The following LAMA2 variants were observed in gnomAD, a reference collection of about 807,000 sequenced individuals.
LAMA2 encodes laminin subunit alpha-2.
In LAMA2, 269 loss-of-function variants were observed where a neutral mutation model predicts 364.8. The ratio of observed to expected loss-of-function variants is 0.74; its 90% CI spans 0.67 to 0.82. The LOEUF is 0.82. Among genes scored for constraint, LAMA2 ranks in the 40% least tolerant of loss-of-function variants. LAMA2 has a pLI of 0.00. For missense variants in LAMA2, 3,807 were observed against 3,873.2 expected, an observed-to-expected ratio of 0.98 and a Z score of 0.45; for synonymous variants, 1,379 against 1,370.6, an observed-to-expected ratio of 1.01 and a Z score of -0.14.
At chr6:128,925,188 C>T (rs1779008053) in intron 1 of LAMA2, among the ~76,000 whole-genome samples, 1 of 152,108 alleles carries the variant, frequency 6.6e-6, no homozygotes, top group South Asian at 2.1e-4. Context: ...TAATTAAAAG[C>T]AGGGTCCTGA....
chr6:129,380,380 T>G (rs1404939105), intron 34 of LAMA2, among the ~76,000 whole-genome samples: 1 of 152,150 alleles, frequency 6.6e-6, no homozygotes, highest in Non-Finnish European at 1.5e-5. Flanking sequence ...GAATATTTAC[T>G]ATAAGTTAGG....
intron 27 of LAMA2, among the ~76,000 whole-genome samples, chr6:129,317,532 A>G (rs1429725923): frequency 6.6e-6 from 1 of 152,126 alleles, no homozygotes; most frequent in Non-Finnish European, 1.5e-5. Flanking sequence ...TCACTTTTAT[A>G]TATGTATTCC....
chr6:129,123,305 C>CAG (rs1562257433), intron 4 of LAMA2, among the ~76,000 whole-genome samples: 7 of 97,036 alleles, frequency 7.2e-5, no homozygotes, highest in African/African-American at 6.9e-5. Context: ...GACTCTGTCT[C>CAG]AAAAAAAAAA....
chr6:129,115,005 A>T (rs1776385602), intron 4 of LAMA2, among the ~76,000 whole-genome samples: 1 of 152,098 alleles, frequency 6.6e-6, no homozygotes, highest in Admixed American at 6.6e-5. Flanking sequence ...CTAGATTTAA[A>T]TTTTAAAATC....
At chr6:129,430,588 G>A (rs1475586405) in intron 41 of LAMA2, among the ~76,000 whole-genome samples, 1 of 152,204 alleles carries the variant, frequency 6.6e-6, no homozygotes, top group African/African-American at 2.4e-5. Flanking sequence ...TGGATATGAG[G>A]CTTGGTACAA....
intron 1 of LAMA2, among the ~76,000 whole-genome samples, chr6:128,913,987 A>C (rs940390861): frequency 1.3e-5 from 2 of 152,192 alleles, no homozygotes; most frequent in Non-Finnish European, 2.9e-5. Context: ...GGCAAAAATT[A>C]GAAAAATAAA....
At chr6:128,920,336 T>G (rs565163445) in intron 1 of LAMA2, among the ~76,000 whole-genome samples, 1 of 152,156 alleles carries the variant, frequency 6.6e-6, no homozygotes, top group East Asian at 1.9e-4. Context: ...TTTTGTATTT[T>G]TAGTAGAGAC....
At chr6:128,963,472 A>T (rs948598395) in intron 1 of LAMA2, among the ~76,000 whole-genome samples, 2 of 152,108 alleles carry the variant, frequency 1.3e-5, no homozygotes, top group African/African-American at 4.8e-5. Context: ...AATCCTTCAC[A>T]TCTGGCTATC....
chr6:129,248,098 C>T (rs915470380), intron 12 of LAMA2, among the ~76,000 whole-genome samples: 7 of 152,086 alleles, frequency 4.6e-5, no homozygotes, highest in Non-Finnish European at 1.0e-4. Flanking sequence ...GTCAGATCAG[C>T]GGTGGTATTA....
chr6:129,113,367 G>C (rs9482985), intron 4 of LAMA2, among the ~76,000 whole-genome samples: 39,589 of 151,894 alleles, frequency 0.26, 5,886 homozygotes, highest in African/African-American at 0.41. Flanking sequence ...GATGGATGTA[G>C]TCTTTTTGCT....
intron 1 of LAMA2, among the ~76,000 whole-genome samples, chr6:128,917,923 A>T (rs545103604): frequency 6.6e-6 from 1 of 151,176 alleles, no homozygotes; most frequent in Non-Finnish European, 1.5e-5. Flanking sequence ...TTTTGTAAAG[A>T]TGGTACTTTG....
At chr6:129,328,516 CTG>C (rs1562464172) in intron 29 of LAMA2, 104 bp downstream of exon 29, 7 of 1,551,664 alleles carry the variant, frequency 4.5e-6, no homozygotes, top group Non-Finnish European at 6.2e-6. Flanking sequence ...GGGAATGCAA[CTG>C]TGTGTGTGAA....
At chr6:129,405,363 A>T (rs552336148) in intron 40 of LAMA2, among the ~76,000 whole-genome samples, 1 of 152,202 alleles carries the variant, frequency 6.6e-6, no homozygotes, top group South Asian at 2.1e-4. Context: ...TATGATAAGG[A>T]GGTGTTTAAT....
At chr6:128,992,641 A>T (rs1431011404) in intron 1 of LAMA2, among the ~76,000 whole-genome samples, 2 of 152,210 alleles carry the variant, frequency 1.3e-5, no homozygotes, top group Admixed American at 6.5e-5. Flanking sequence ...ACACACTTAA[A>T]TTCAACAAAA....
intron 6 of LAMA2, 34 bp from the exon 7 acceptor site, chr6:129,148,945 C>T (rs1165078027): frequency 1.4e-6 from 2 of 1,407,642 alleles, no homozygotes; most frequent in African/African-American, 2.8e-5. Flanking sequence ...CTAAATGAGG[C>T]TAAAATTTGT....
At chr6:129,056,769 C>T (rs2114789182) in intron 2 of LAMA2, among the ~76,000 whole-genome samples, 1 of 152,228 alleles carries the variant, frequency 6.6e-6, no homozygotes, top group East Asian at 1.9e-4. Context: ...CTCACTCTGT[C>T]ACCTAGGCTG....
At chr6:129,456,603 C>A in intron 48 of LAMA2, 109 bp downstream of exon 48, 16 of 1,021,032 alleles carry the variant, frequency 1.6e-5, no homozygotes, top group Non-Finnish European at 2.5e-5. Flanking sequence ...TCACGTTTTA[C>A]TTAACTTGCA....
intron 12 of LAMA2, among the ~76,000 whole-genome samples, chr6:129,247,710 T>C (rs1785857276): frequency 6.6e-6 from 1 of 152,208 alleles, no homozygotes; most frequent in Admixed American, 6.5e-5. Flanking sequence ...AAATACGTTG[T>C]AATAATGGCA....
intron 4 of LAMA2, among the ~76,000 whole-genome samples, chr6:129,115,788 C>T (rs1381186962): frequency 2.6e-5 from 4 of 152,004 alleles, no homozygotes; most frequent in East Asian, 3.9e-4. Context: ...GTTTAGTTTC[C>T]GCATCTAAGA....
Sources: gnomAD v4.1 joint callset for allele counts (sites outside exome capture counted in the v4.1 genomes callset) on GRCh38, gnomAD v4.1.1 for gene constraint, MANE v1.5 for transcripts, NCBI Gene and HGNC (gene_info 2026-07-23, HGNC 2026-07-21) for gene names.